The following LINC00632 variants were observed in gnomAD, a reference collection of about 807,000 sequenced individuals.
LINC00632 encodes the protein ALDOA related specific transcript.
chrX:140,783,845 T>C (rs757820651), exon 5 of LINC00632: 44 of 1,208,476 alleles, frequency 3.6e-5, no homozygotes, highest in Non-Finnish European at 4.9e-5. Context: ...AACCTCCCAG[T>C]CTTCCAGAAA....
At chrX:140,718,800 C>T (rs1291246417) in intron 2 of LINC00632, among the ~76,000 whole-genome samples, 1 of 111,923 alleles carries the variant, frequency 8.9e-6, no homozygotes, top group Non-Finnish European at 1.9e-5. Flanking sequence ...GCTAGACACG[C>T]TACAATGCAC....
chrX:140,723,745 A>G, intron 2 of LINC00632, among the ~76,000 whole-genome samples: 1 of 11,618 alleles, frequency 8.6e-5, no homozygotes, highest in African/African-American at 3.1e-4. Flanking sequence ...ACACACACAC[A>G]TTCCATACAC....
At chrX:140,789,463 GGTT>G (rs1412402270) in exon 5 of LINC00632, among the ~76,000 whole-genome samples, 4 of 110,688 alleles carry the variant, frequency 3.6e-5, no homozygotes, top group Non-Finnish European at 7.6e-5. Flanking sequence ...ATGATCTTTT[GGTT>G]GTTAACAGTT....
At chrX:140,740,332 G>T (rs763614304) in intron 3 of LINC00632, among the ~76,000 whole-genome samples, 89 of 111,808 alleles carry the variant, frequency 8.0e-4, no homozygotes, top group African/African-American at 2.8e-3. Flanking sequence ...AAGGGTCTAA[G>T]AAGGGAAGGA....
exon 4 of LINC00632, chrX:140,772,336 C>T (rs1394229023): frequency 6.8e-6 from 2 of 294,057 alleles, no homozygotes; most frequent in African/African-American, 5.6e-5. Context: ...ATTGATCACA[C>T]ACGTGTTGTC....
chrX:140,732,047 T>C (rs775919549), intron 2 of LINC00632, among the ~76,000 whole-genome samples: 1 of 110,303 alleles, frequency 9.1e-6, no homozygotes, highest in Non-Finnish European at 1.9e-5. Context: ...CCACTAAAAA[T>C]TCAAAAATTA....
exon 5 of LINC00632, among the ~76,000 whole-genome samples, chrX:140,785,204 T>TAATAAC (rs1932001911): frequency 9.1e-6 from 1 of 110,038 alleles, no homozygotes; most frequent in African/African-American, 3.3e-5. Context: ...ATAATAATAA[T>TAATAAC]AATAACAACA....
intron 2 of LINC00632, among the ~76,000 whole-genome samples, chrX:140,728,240 CA>C (rs1200284527): frequency 0.01 from 609 of 60,598 alleles, 2 homozygotes; most frequent in African/African-American, 0.023. Context: ...AACTCTGTCT[CA>C]AAAAAAAAAA....
At chrX:140,725,099 CACACACACATTCCATAT>C (rs1467110594) in intron 2 of LINC00632, among the ~76,000 whole-genome samples, 10 of 60,893 alleles carry the variant, frequency 1.6e-4, no homozygotes, top group Admixed American at 1.4e-3. Flanking sequence ...ACATTTGATA[CACACACACATTCCATAT>C]ACACACACAT....
chrX:140,710,907 T>A (rs995923733), intron 1 of LINC00632, among the ~76,000 whole-genome samples: 1 of 109,873 alleles, frequency 9.1e-6, no homozygotes, highest in Non-Finnish European at 1.9e-5. Flanking sequence ...AGGGAGGGGG[T>A]GTTGAACAGA....
At chrX:140,747,437 G>T (rs1270949707) in intron 3 of LINC00632, among the ~76,000 whole-genome samples, 1 of 107,438 alleles carries the variant, frequency 9.3e-6, no homozygotes, top group Non-Finnish European at 1.9e-5. Context: ...GATTGAGGCA[G>T]GAGAATCGCT....
exon 5 of LINC00632, chrX:140,784,626 G>C (rs1931989977): frequency 4.8e-6 from 2 of 421,050 alleles, no homozygotes; most frequent in Non-Finnish European, 8.5e-6. Context: ...CTGATCTTCT[G>C]ACATTCAGGT....
exon 5 of LINC00632, chrX:140,783,094 G>T (rs1280726997): frequency 8.4e-6 from 1 of 119,200 alleles, no homozygotes; most frequent in Non-Finnish European, 1.7e-5. Flanking sequence ...AAATATCAAT[G>T]TCCAGAGTAA....
chrX:140,710,725 A>C (rs1163596504), intron 1 of LINC00632, among the ~76,000 whole-genome samples: 3 of 111,474 alleles, frequency 2.7e-5, no homozygotes, highest in African/African-American at 9.8e-5. Flanking sequence ...AAAATGATAG[A>C]TAAATAGATT....
At chrX:140,710,834 G>T (rs1337487098) in intron 1 of LINC00632, among the ~76,000 whole-genome samples, 2 of 111,288 alleles carry the variant, frequency 1.8e-5, no homozygotes, top group African/African-American at 6.5e-5. Flanking sequence ...ATTTTCCCAA[G>T]TTGAACATGT....
chrX:140,709,764 G>C (rs1274133702), exon 1 of LINC00632: 2 of 338,634 alleles, frequency 5.9e-6, no homozygotes, highest in African/African-American at 2.6e-5. Flanking sequence ...CCTTCAGTGC[G>C]ACAGACAGCC....
intron 3 of LINC00632, among the ~76,000 whole-genome samples, chrX:140,759,344 C>CCTTTCTTT (rs1188901479): frequency 1.7e-4 from 4 of 23,056 alleles, no homozygotes; most frequent in Non-Finnish European, 3.4e-4. Flanking sequence ...TTCCTTCCTT[C>CCTTTCTTT]CTTTCTTTCT....
chrX:140,745,741 T>C (rs529485401), intron 3 of LINC00632, among the ~76,000 whole-genome samples: 2 of 112,256 alleles, frequency 1.8e-5, no homozygotes, highest in South Asian at 3.7e-4. Context: ...TAGAAAGTTA[T>C]CTGGTTATAT....
At chrX:140,762,470 A>G (rs1931617424) in intron 3 of LINC00632, among the ~76,000 whole-genome samples, 1 of 112,480 alleles carries the variant, frequency 8.9e-6, no homozygotes, top group Non-Finnish European at 1.9e-5. Flanking sequence ...TGACTGTGAG[A>G]AAAATGATAG....
Sources: allele counts gnomAD v4.1 joint callset (sites outside exome capture counted in the v4.1 genomes callset), GRCh38; gene constraint gnomAD v4.1.1; transcripts MANE v1.5; gene names NCBI Gene and HGNC (gene_info 2026-07-23, HGNC 2026-07-21).